Variants in TENM3 observed in about 807,000 individuals in gnomAD.
TENM3 encodes the protein teneurin-3.
TENM3 carries 63 observed loss-of-function variants against 255.1 expected under a neutral mutation model. The observed-to-expected ratio is 0.25, with a 90% CI of 0.20 to 0.30. The LOEUF is 0.30. TENM3 is among the 10% of genes least tolerant of loss of function. TENM3 has a pLI of 1.00. For missense variants in TENM3, 2,929 were observed against 3,461.1 expected, an observed-to-expected ratio of 0.85 and a Z score of 3.86; for synonymous variants, 1,306 against 1,322.3, an observed-to-expected ratio of 0.99 and a Z score of 0.27.
chr4:182,292,082 G>C (rs778408338), intron 1 of TENM3, among the ~76,000 whole-genome samples: 1 of 152,008 alleles, frequency 6.6e-6, no homozygotes, highest in East Asian at 1.9e-4. Flanking sequence ...TGCCATATGA[G>C]TGCCTTCTGT....
chr4:182,416,753 G>A (rs1770389715), intron 3 of TENM3, among the ~76,000 whole-genome samples: 1 of 152,110 alleles, frequency 6.6e-6, no homozygotes, highest in Admixed American at 6.5e-5. Flanking sequence ...ATACAGTTAT[G>A]CAAAACATGC....
chr4:182,028,938 CT>C, the TENM3 span, among the ~76,000 whole-genome samples: 1 of 152,132 alleles, frequency 6.6e-6, no homozygotes, highest in Non-Finnish European at 1.5e-5. Flanking sequence ...ATGAAATGTT[CT>C]ATAAATATCT....
At chr4:181,601,187 A>C in the TENM3 span, among the ~76,000 whole-genome samples, 7 of 152,064 alleles carry the variant, frequency 4.6e-5, no homozygotes, top group Non-Finnish European at 8.8e-5. Flanking sequence ...CAAAACAGGA[A>C]TTTATCTTCT....
At chr4:181,558,458 A>C in the TENM3 span, among the ~76,000 whole-genome samples, 1 of 152,226 alleles carries the variant, frequency 6.6e-6, no homozygotes, top group Non-Finnish European at 1.5e-5. Flanking sequence ...ATGGGTAATA[A>C]AGTAGTATAT....
chr4:182,659,351 A>G (rs1011266786), intron 6 of TENM3, among the ~76,000 whole-genome samples: 3 of 151,842 alleles, frequency 2.0e-5, no homozygotes, highest in African/African-American at 4.8e-5. Flanking sequence ...CATTCACTTA[A>G]CTTTCATTGC....
At chr4:182,601,818 C>T (rs1289225274) in intron 4 of TENM3, among the ~76,000 whole-genome samples, 1 of 152,314 alleles carries the variant, frequency 6.6e-6, no homozygotes, top group East Asian at 1.9e-4. Context: ...TGACTGTAAC[C>T]GTACAACTAG....
At chr4:181,888,594 G>A in the TENM3 span, among the ~76,000 whole-genome samples, 26 of 77,612 alleles carry the variant, frequency 3.4e-4, no homozygotes, top group Admixed American at 2.5e-3. Flanking sequence ...ATATATGCGT[G>A]TGTGTGTGTG....
At chr4:182,736,254 G>A (rs996027128) in intron 16 of TENM3, among the ~76,000 whole-genome samples, 1 of 152,208 alleles carries the variant, frequency 6.6e-6, no homozygotes, top group Admixed American at 6.5e-5. Flanking sequence ...GCTGTGACCA[G>A]CCAGCTGATG....
chr4:182,768,812 A>G (rs1436287378), intron 22 of TENM3, among the ~76,000 whole-genome samples: 1 of 152,192 alleles, frequency 6.6e-6, no homozygotes, highest in East Asian at 1.9e-4. Context: ...TCATCAGTGG[A>G]AGAGCGGTAG....
chr4:182,081,389 G>A, the TENM3 span, among the ~76,000 whole-genome samples: 1 of 151,866 alleles, frequency 6.6e-6, no homozygotes, highest in Admixed American at 6.6e-5. Flanking sequence ...TTCGAGACCA[G>A]CCTGGCCAAT....
At chr4:182,060,151 C>T in the TENM3 span, among the ~76,000 whole-genome samples, 1 of 152,148 alleles carries the variant, frequency 6.6e-6, no homozygotes, top group East Asian at 1.9e-4. Context: ...GTGGAAGGAT[C>T]GCTTAAGTCC....
chr4:182,611,264 A>G (rs867756228), intron 4 of TENM3, among the ~76,000 whole-genome samples: 21 of 152,278 alleles, frequency 1.4e-4, no homozygotes, highest in South Asian at 6.2e-4. Flanking sequence ...AATTAGGCAC[A>G]TGCAGCAATT....
At chr4:181,974,429 ATGCTGGT>A in the TENM3 span, among the ~76,000 whole-genome samples, 1 of 152,088 alleles carries the variant, frequency 6.6e-6, no homozygotes, top group African/African-American at 2.4e-5. Context: ...TTAGTCAGGC[ATGCTGGT>A]GCATGCCTGT....
the TENM3 span, among the ~76,000 whole-genome samples, chr4:181,779,136 G>A: frequency 0.016 from 2,375 of 152,114 alleles, 71 homozygotes; most frequent in African/African-American, 0.055. Context: ...GGAAGGACAC[G>A]CTTGATCTAC....
chr4:182,276,815 C>T (rs889669946), intron 1 of TENM3, among the ~76,000 whole-genome samples: 5 of 152,288 alleles, frequency 3.3e-5, no homozygotes, highest in Admixed American at 6.5e-5. Context: ...ATAGAGCTTT[C>T]CACTTGGCAA....
chr4:181,703,528 T>G, the TENM3 span, among the ~76,000 whole-genome samples: 1 of 152,190 alleles, frequency 6.6e-6, no homozygotes, highest in Non-Finnish European at 1.5e-5. Flanking sequence ...CGTTAAAACC[T>G]TCTCCCTCTT....
chr4:181,896,768 C>G, the TENM3 span, among the ~76,000 whole-genome samples: 1 of 152,192 alleles, frequency 6.6e-6, no homozygotes, highest in African/African-American at 2.4e-5. Flanking sequence ...TAGACACCAG[C>G]TTACCAGGCC....
chr4:182,489,487 G>A (rs991501906), intron 3 of TENM3, among the ~76,000 whole-genome samples: 1 of 151,998 alleles, frequency 6.6e-6, no homozygotes, highest in African/African-American at 2.4e-5. Flanking sequence ...TTTATAGGAC[G>A]GGGGTAAACA....
the TENM3 span, among the ~76,000 whole-genome samples, chr4:181,889,307 C>T: frequency 1.3e-5 from 2 of 152,086 alleles, 1 homozygote; most frequent in South Asian, 4.1e-4. Context: ...TGCTCTCTCG[C>T]TTCCACTCTC....
Sources: allele counts gnomAD v4.1 joint callset (sites outside exome capture counted in the v4.1 genomes callset), GRCh38; gene constraint gnomAD v4.1.1; transcripts MANE v1.5; gene names NCBI Gene and HGNC (gene_info 2026-07-23, HGNC 2026-07-21).